The following CPQ variants were observed in gnomAD, a reference collection of about 807,000 sequenced individuals.
The protein encoded by CPQ is carboxypeptidase Q.
In CPQ, 37 loss-of-function variants were observed where a neutral mutation model predicts 45.7. That is an observed-to-expected ratio of 0.81 (90% CI 0.62 to 1.07). The LOEUF is 1.07. CPQ is among the 50% of genes least tolerant of loss of function. The pLI is 0.00. For synonymous variants in CPQ, 186 were observed against 205.8 expected, an observed-to-expected ratio of 0.90 and a Z score of 0.82; for missense variants, 537 against 572.9, an observed-to-expected ratio of 0.94 and a Z score of 0.64.
At chr8:96,752,953 G>A (rs1810281070) in intron 1 of CPQ, among the ~76,000 whole-genome samples, 2 of 151,972 alleles carry the variant, frequency 1.3e-5, no homozygotes, top group Non-Finnish European at 2.9e-5. Context: ...ATTTTATTCT[G>A]TGACTTCTTT....
chr8:97,042,598 T>C (rs879640612), intron 6 of CPQ, among the ~76,000 whole-genome samples: 1 of 151,702 alleles, frequency 6.6e-6, no homozygotes, highest in African/African-American at 2.4e-5. Flanking sequence ...TTTTGGATCT[T>C]TCCTGCTTTC....
intron 2 of CPQ, among the ~76,000 whole-genome samples, chr8:96,788,309 C>G (rs1810801602): frequency 6.6e-6 from 1 of 152,016 alleles, no homozygotes; most frequent in South Asian, 2.1e-4. Flanking sequence ...CAGGTGCACA[C>G]CACCATGCCC....
chr8:96,920,218 G>A (rs1812788529), intron 4 of CPQ, among the ~76,000 whole-genome samples: 1 of 152,104 alleles, frequency 6.6e-6, no homozygotes, highest in Admixed American at 6.6e-5. Context: ...GTTGGGAACT[G>A]GGCACAGACA....
chr8:96,700,791 T>G (rs1264982869), intron 1 of CPQ, among the ~76,000 whole-genome samples: 1 of 152,160 alleles, frequency 6.6e-6, no homozygotes, highest in Admixed American at 6.6e-5. Context: ...AGAGAACATC[T>G]CTTTCCTTCC....
chr8:96,770,556 A>C (rs1810526980), intron 1 of CPQ, among the ~76,000 whole-genome samples: 1 of 152,032 alleles, frequency 6.6e-6, no homozygotes, highest in African/African-American at 2.4e-5. Context: ...TATTGGATAC[A>C]GGTGAATTCT....
intron 4 of CPQ, among the ~76,000 whole-genome samples, chr8:96,936,295 A>T (rs566517230): frequency 1.0e-3 from 156 of 152,274 alleles, no homozygotes; most frequent in African/African-American, 3.7e-3. Context: ...GTTTTGCCTA[A>T]CATCTTTTAG....
chr8:96,656,733 G>A (rs1296308220), intron 1 of CPQ, among the ~76,000 whole-genome samples: 1 of 152,166 alleles, frequency 6.6e-6, no homozygotes, highest in Admixed American at 6.5e-5. Context: ...AAAGCAGGCT[G>A]ACCTTCTCAT....
rs571326905 is a variant in CPQ, at chr8:96,743,991, T to C, written c.-34-40873T>C. 4.3e-3 allele frequency among the ~76,000 whole-genome samples: 654 copies of C among 152,314 alleles called. 1 individual carries two copies. Among genetic ancestry groups the C allele is most frequent in the Middle Eastern group, 0.02 (6 of 294 alleles). On this transcript the variant is annotated intron_variant, in intron 1 of 7. Transcript: ENST00000220763. The stretch of plus-strand genomic sequence containing the variant: ...GAGGCAGGCAGGCCTCCTTGAGCTG[T>C]GGTGGGCTCCACCCAGTTCGAGCTT...
chr8:96,788,269 C>T (rs1308639932), intron 2 of CPQ, among the ~76,000 whole-genome samples: 1 of 151,938 alleles, frequency 6.6e-6, no homozygotes, highest in East Asian at 1.9e-4. Context: ...AGTGATTCTC[C>T]TGCCTCAGCC....
rs374439582 is a variant in CPQ, at chr8:96,966,073, A to G, written c.961+27A>G. ...TAAATATTTAGAAAATTGTTAACTA[A>G]TGTGTGAGGATCTCAGTGACATGTT... On this transcript the variant is annotated intron_variant, in intron 5 of 7. Transcript: ENST00000220763. 8 of 1,479,662 alleles carry G rather than the reference A, an allele frequency of 5.4e-6. No homozygotes were observed. The African/African-American group carries it at 9.7e-5, about 18-fold the overall frequency. 91.7% of individuals were successfully genotyped at this position (1,479,662 alleles called of 1,614,324 possible). A position where few individuals can be genotyped will look rare whatever the true frequency, so the allele number is the denominator to read the frequency against.
intron 2 of CPQ, among the ~76,000 whole-genome samples, chr8:96,792,452 T>A (rs1029183249): frequency 6.6e-6 from 1 of 152,226 alleles, no homozygotes; most frequent in Non-Finnish European, 1.5e-5. Context: ...TGAGTATTTA[T>A]TAATCCTCAT....
chr8:97,002,730 T>C (rs529025786), intron 5 of CPQ, among the ~76,000 whole-genome samples: 2 of 152,342 alleles, frequency 1.3e-5, no homozygotes, highest in Admixed American at 1.3e-4. Flanking sequence ...GTATATTCTG[T>C]TATTTTTGGG....
chr8:96,932,689 GAATT>G (rs1437870206), intron 4 of CPQ, among the ~76,000 whole-genome samples: 1 of 152,162 alleles, frequency 6.6e-6, no homozygotes, highest in Non-Finnish European at 1.5e-5. Context: ...ATTATGTGAT[GAATT>G]AATTGTCTGT....
intron 1 of CPQ, among the ~76,000 whole-genome samples, chr8:96,700,028 G>C (rs1809434634): frequency 6.6e-6 from 1 of 152,180 alleles, no homozygotes; most frequent in African/African-American, 2.4e-5. Context: ...TACTAGACAA[G>C]AGCCTGGGAG....
At chr8:97,142,940 A>G (rs1003185266) in intron 7 of CPQ, 80 bp from the exon 8 acceptor site, 4 of 1,422,586 alleles carry the variant, frequency 2.8e-6, no homozygotes, top group Non-Finnish European at 3.9e-6. Context: ...AGGAGCAGGC[A>G]AAAGTGAAGG....
At chr8:96,893,107 G>A (rs557723432) in intron 4 of CPQ, among the ~76,000 whole-genome samples, 1 of 152,276 alleles carries the variant, frequency 6.6e-6, no homozygotes, top group Admixed American at 6.5e-5. Flanking sequence ...GCTTAGAGAG[G>A]TCACAGAATT....
chr8:96,824,315 A>G (rs1811350523), intron 2 of CPQ, among the ~76,000 whole-genome samples: 1 of 152,060 alleles, frequency 6.6e-6, no homozygotes, highest in Non-Finnish European at 1.5e-5. Flanking sequence ...AGTAATACCT[A>G]TCATATAGGG....
chr8:97,115,023 C>T (rs1271371240), intron 7 of CPQ, among the ~76,000 whole-genome samples: 1 of 152,186 alleles, frequency 6.6e-6, no homozygotes, highest in Non-Finnish European at 1.5e-5. Flanking sequence ...TCCTCATTTC[C>T]AGTTTTCTCC....
chr8:96,898,376 TG>T (rs1812470379), intron 4 of CPQ, among the ~76,000 whole-genome samples: 1 of 152,150 alleles, frequency 6.6e-6, no homozygotes, highest in African/African-American at 2.4e-5. Flanking sequence ...TTAGTAGTCC[TG>T]GGGACAATTC....
Sources: allele counts gnomAD v4.1 joint callset (sites outside exome capture counted in the v4.1 genomes callset), GRCh38; gene constraint gnomAD v4.1.1; transcripts MANE v1.5; gene names NCBI Gene and HGNC (gene_info 2026-07-23, HGNC 2026-07-21).